Variants in RAI1 observed in about 807,000 individuals in gnomAD.
The protein encoded by RAI1 is retinoic acid induced 1.
Under a neutral mutation model 123.8 loss-of-function variants are expected in RAI1, and 9 were observed. The observed-to-expected ratio is 0.07, with a 90% CI of 0.04 to 0.13. The LOEUF (loss-of-function observed/expected upper bound fraction) is 0.13, where lower values mean the gene tolerates loss of function less well. RAI1 is among the 10% of genes least tolerant of loss of function. The pLI, the probability that RAI1 is intolerant of heterozygous loss-of-function variation, is 1.00. For synonymous variants in RAI1, 1,231 were observed against 1,127.3 expected (o/e 1.09, Z -1.84); for missense variants, 2,256 against 2,545.8 (o/e 0.89, Z 2.45).
rs1567932555 is a variant in RAI1, at chr17:17,800,190, C to CTCTCTCTGTCTCTCTCTG, written c.5565+1684_5565+1685insGTCTCTCTCTGTCTCTCT. 2.9e-4 allele frequency among the ~76,000 whole-genome samples: 4 copies of CTCTCTCTGTCTCTCTCTG among 13,818 alleles called. No individual in the cohort carries two copies. The highest frequency in any genetic ancestry group is 1.1e-3 in the Non-Finnish European group (3 of 2,772). 9.1% of individuals were successfully genotyped at this position (13,818 alleles called of 152,430 possible). A position where few individuals can be genotyped will look rare whatever the true frequency, so the allele number is the denominator to read the frequency against. ...TTTCTGTCTCTCTCTGTCTCTCTCTCTCTCTCTCTCTCTCTCTCTCTCTCT... is the reference window on the plus strand; with the variant it reads ...TTTCTGTCTCTCTCTGTCTCTCTCTCTCTCTCTGTCTCTCTCTGTCTCTCTCTCTCTCTCTCTCTCTCT... On this transcript the variant is annotated intron_variant, in intron 3 of 5. Transcript: ENST00000353383. The surrounding 1 kb of genome is among the most constrained non-coding windows in gnomAD (Gnocchi z 4.7).
chr17:17,733,338 C>A lies in RAI1; in HGVS notation c.-17+9179C>A, dbSNP rs138397119. ...AGGGTGCACCAGATGCGGGGCACTGCGTGGGGAAAGATAAGGAGGTGTGAA... is the reference window on the plus strand; with the variant it reads ...AGGGTGCACCAGATGCGGGGCACTGAGTGGGGAAAGATAAGGAGGTGTGAA... On this transcript the variant is annotated intron_variant, in intron 2 of 5. Transcript: ENST00000353383. Among the ~76,000 whole-genome samples the A allele has an allele frequency of 5.9e-5, 9 of 152,168 alleles. No homozygotes were observed. In the South Asian group the frequency reaches 1.9e-3, roughly 32 times the overall value.
At chr17:17,684,700 ATATATATGTATG>A (rs1483301065) in intron 1 of RAI1, 5 of 125,544 alleles carry the variant, frequency 4.0e-5, no homozygotes, top group African/African-American at 1.8e-4. Context: ...ATATATATAT[ATATATATGTATG>A]TATGTATGTA....
At chr17:17,691,759 C>G (rs990139187) in intron 1 of RAI1, among the ~76,000 whole-genome samples, 1 of 152,154 alleles carries the variant, frequency 6.6e-6, no homozygotes, top group African/African-American at 2.4e-5. Context: ...ACTCCAGCCC[C>G]CAGCATGTTG....
chr17:17,700,836 C>T (rs1915198941), intron 1 of RAI1, among the ~76,000 whole-genome samples: 1 of 152,228 alleles, frequency 6.6e-6, no homozygotes, highest in South Asian at 2.1e-4. Context: ...GTCCCCCGGC[C>T]ATCTTGGGCT....
chr17:17,796,577 C>T lies in RAI1; in HGVS notation c.3629C>T (p.Ala1210Val). ...SQRARVPKPG[A>V]GSKLSDRPLH... Reference sequence around the variant, plus strand: ...CGGGCAAGGGTCCCCAAACCTGGTGCAGGCAGCAAGCTCTCTGACCGGCCC... The same window carrying T: ...CGGGCAAGGGTCCCCAAACCTGGTGTAGGCAGCAAGCTCTCTGACCGGCCC... Residue 1210 changes from alanine to valine, a missense_variant, in exon 3 of 6, where the codon GCA (alanine) becomes GTA (valine). Around this residue, in one of 7 missense-constraint regions of RAI1, gnomAD observed 322 missense variants for 358.0 expected, o/e 0.90. Transcript: ENST00000353383. This position sits in a 1 kb window ranked among gnomAD's most constrained non-coding sequence, Gnocchi z 5.8. 6.2e-7 allele frequency: 1 copy of T among 1,611,618 alleles called. No individual in the cohort carries two copies. The highest frequency in any genetic ancestry group is 1.1e-5 in the South Asian group (1 of 91,090).
chr17:17,720,652 A>C (rs1200660772), intron 1 of RAI1, among the ~76,000 whole-genome samples: 1 of 152,216 alleles, frequency 6.6e-6, no homozygotes, highest in African/African-American at 2.4e-5. Flanking sequence ...GAGGTGAGCA[A>C]AGAATCTTGA....
chr17:17,742,062 C>G (rs968462638), intron 2 of RAI1, among the ~76,000 whole-genome samples: 1 of 152,278 alleles, frequency 6.6e-6, no homozygotes. Flanking sequence ...AGCTTCATGT[C>G]AGTGTCTCTT....
chr17:17,726,716 CACAGAAAA>C (rs1916101790), intron 2 of RAI1, among the ~76,000 whole-genome samples: 1 of 123,304 alleles, frequency 8.1e-6, no homozygotes, highest in East Asian at 2.1e-4. Flanking sequence ...AAATAGCATT[CACAGAAAA>C]GCTGAAAAAA....
intron 2 of RAI1, among the ~76,000 whole-genome samples, chr17:17,780,285 CAA>C (rs1213974811): frequency 6.6e-6 from 1 of 152,080 alleles, no homozygotes; most frequent in Non-Finnish European, 1.5e-5. Context: ...AGGCTGGTCT[CAA>C]ACTCCTGACT....
chr17:17,706,924 C>T (rs1420811452), intron 1 of RAI1, among the ~76,000 whole-genome samples: 1 of 152,246 alleles, frequency 6.6e-6, no homozygotes, highest in African/African-American at 2.4e-5. Flanking sequence ...TGAGATCCTA[C>T]TGTGAGCTGG....
chr17:17,808,950 T>A (rs908587735), intron 4 of RAI1, among the ~76,000 whole-genome samples: 1 of 152,106 alleles, frequency 6.6e-6, no homozygotes, highest in African/African-American at 2.4e-5. Flanking sequence ...GGGCTGGGCA[T>A]ACATCCAGGG....
chr17:17,734,987 AG>A (rs1394503257), intron 2 of RAI1, among the ~76,000 whole-genome samples: 2 of 152,176 alleles, frequency 1.3e-5, no homozygotes, highest in African/African-American at 4.8e-5. Context: ...GCACCTCCAG[AG>A]AGCAGGACTT....
chr17:17,743,336 T>C (rs1199343133), intron 2 of RAI1, among the ~76,000 whole-genome samples: 6 of 152,196 alleles, frequency 3.9e-5, no homozygotes, highest in African/African-American at 1.4e-4. Flanking sequence ...AGGCACTTGA[T>C]AAATGGTAGC....
At chr17:17,694,758 G>A (rs959298504) in intron 1 of RAI1, among the ~76,000 whole-genome samples, 17 of 149,852 alleles carry the variant, frequency 1.1e-4, no homozygotes, top group Admixed American at 4.6e-4. Context: ...GCCAGGCGGG[G>A]GGCGAGGCGG....
chr17:17,759,422 A>G (rs978882287), intron 2 of RAI1: 6 of 152,244 alleles, frequency 3.9e-5, no homozygotes, highest in African/African-American at 1.4e-4. Flanking sequence ...ATTGCAGAAC[A>G]TTCAGCAAAT....
At chr17:17,779,280 G>C (rs945114656) in intron 2 of RAI1, 11 of 296,132 alleles carry the variant, frequency 3.7e-5, no homozygotes, top group Admixed American at 4.6e-5. Context: ...CTGCGTGTCT[G>C]GGGGACTGGC....
chr17:17,725,649 C>T (rs936435290), intron 2 of RAI1, among the ~76,000 whole-genome samples: 2 of 152,106 alleles, frequency 1.3e-5, no homozygotes, highest in African/African-American at 2.4e-5. Flanking sequence ...GCTAGCTGGA[C>T]TGGCGTTGCG....
Position 17,810,667 on chromosome 17 carries a change from G to C in RAI1, c.*686G>C, listed in dbSNP as rs200249502. 2.7e-5 allele frequency: 10 copies of C among 368,898 alleles called. No individual in the cohort carries two copies. The highest frequency in any genetic ancestry group is 5.0e-5 in the Non-Finnish European group (9 of 178,990). The allele number at this position is 368,898 out of a possible 1,614,324, so 22.9% of individuals were successfully genotyped here. On this transcript the variant is annotated 3_prime_UTR_variant, in exon 6 of 6. Coordinates refer to ENST00000353383, the MANE Select transcript of RAI1 (RefSeq NM_030665.4). The surrounding 1 kb of genome is among the most constrained non-coding windows in gnomAD (Gnocchi z 4.6). The stretch of plus-strand genomic sequence containing the variant: ...TAGACCTGGGCTATGCTCAGTTAGG[G>C]GTTGCGGGATCCCCGAGTGTGGGCG...
intron 2 of RAI1, 28 bp from the exon 3 acceptor site, chr17:17,792,905 C>A: frequency 8.7e-7 from 1 of 1,151,060 alleles, no homozygotes; most frequent in Non-Finnish European, 1.3e-6. Flanking sequence ...CCTTCCCTCC[C>A]TCCCTCCCTT....
Sources: gnomAD v4.1 joint callset for allele counts (sites outside exome capture counted in the v4.1 genomes callset) on GRCh38, gnomAD v4.1.1 for gene constraint, gnomAD v4.1.1 regional missense constraint, Gnocchi (gnomAD v3.1) non-coding constraint, MANE v1.5 for transcripts, NCBI Gene and HGNC (gene_info 2026-07-23, HGNC 2026-07-21) for gene names.